The following KIF5C variants were observed in gnomAD, a reference collection of about 807,000 sequenced individuals.
KIF5C encodes kinesin heavy chain isoform 5C.
KIF5C carries 18 observed loss-of-function variants against 125.2 expected under a neutral mutation model. The ratio of observed to expected loss-of-function variants is 0.14; its 90% CI spans 0.10 to 0.21. The LOEUF is 0.21. KIF5C is among the 10% of genes least tolerant of loss of function. The pLI is 1.00. For missense variants in KIF5C, 780 were observed against 1,183.8 expected, an observed-to-expected ratio of 0.66 and a Z score of 5.01; for synonymous variants, 405 against 434.0, an observed-to-expected ratio of 0.93 and a Z score of 0.83.
At chr2:149,006,343 G>C (rs1682007054) in intron 22 of KIF5C, among the ~76,000 whole-genome samples, 1 of 151,960 alleles carries the variant, frequency 6.6e-6, no homozygotes, top group African/African-American at 2.4e-5. Context: ...GCTTGCTAAG[G>C]AGGAGGGACA....
At chr2:148,906,907 G>T (rs1456393368) in intron 1 of KIF5C, among the ~76,000 whole-genome samples, 3 of 151,592 alleles carry the variant, frequency 2.0e-5, no homozygotes, top group Non-Finnish European at 2.9e-5. Flanking sequence ...AAAATTAAAA[G>T]AATTAGCTGG....
intron 1 of KIF5C, among the ~76,000 whole-genome samples, chr2:148,895,871 C>T (rs529280421): frequency 2.0e-4 from 12 of 60,044 alleles, no homozygotes; most frequent in African/African-American, 6.3e-4. Context: ...CACACACACA[C>T]ACACCCACAG....
chr2:148,890,948 T>TTA (rs1019735492), intron 1 of KIF5C, among the ~76,000 whole-genome samples: 18 of 152,292 alleles, frequency 1.2e-4, no homozygotes, highest in African/African-American at 4.1e-4. Flanking sequence ...ATCATATATA[T>TTA]TATATATATA....
chr2:148,931,471 G>A (rs1682184666), intron 3 of KIF5C, among the ~76,000 whole-genome samples: 1 of 152,050 alleles, frequency 6.6e-6, no homozygotes, highest in Non-Finnish European at 1.5e-5. Flanking sequence ...GACCAGCCTG[G>A]CTAACATGGC....
At chr2:148,948,366 A>C (rs1325823484) in intron 8 of KIF5C, among the ~76,000 whole-genome samples, 1 of 151,954 alleles carries the variant, frequency 6.6e-6, no homozygotes, top group African/African-American at 2.4e-5. Context: ...CAAAAAAAAA[A>C]AAAAAAATTT....
At chr2:149,000,901 C>T (rs1681830576) in intron 21 of KIF5C, 119 bp downstream of exon 21, 3 of 1,504,054 alleles carry the variant, frequency 2.0e-6, no homozygotes, top group Non-Finnish European at 2.7e-6. Flanking sequence ...TTAGATAAGA[C>T]ATTCTATGGA....
chr2:149,008,227 T>A (rs1439648043), intron 23 of KIF5C, among the ~76,000 whole-genome samples, 160 bp downstream of exon 23: 2 of 152,224 alleles, frequency 1.3e-5, no homozygotes, highest in African/African-American at 4.8e-5. Context: ...TTACAAATCC[T>A]TTAGTTCTCA....
At chr2:148,886,847 G>A (rs529295940) in intron 1 of KIF5C, among the ~76,000 whole-genome samples, 114 of 152,304 alleles carry the variant, frequency 7.5e-4, no homozygotes, top group African/African-American at 2.7e-3. Flanking sequence ...TAGAGTAACA[G>A]CACTTGCTTG....
At chr2:148,959,772 G>A (rs912871249) in intron 10 of KIF5C, among the ~76,000 whole-genome samples, 11 of 152,158 alleles carry the variant, frequency 7.2e-5, no homozygotes, top group Admixed American at 2.0e-4. Context: ...TGTTACACCC[G>A]TGGGGAAGGA....
chr2:148,881,875 T>C (rs538245250), intron 1 of KIF5C, among the ~76,000 whole-genome samples: 6 of 152,196 alleles, frequency 3.9e-5, no homozygotes, highest in Admixed American at 1.3e-4. Context: ...TGTCTACTTA[T>C]GTAAAAAAAA....
chr2:148,975,980 G>T (rs1031853813), intron 12 of KIF5C, among the ~76,000 whole-genome samples: 1 of 152,148 alleles, frequency 6.6e-6, no homozygotes, highest in African/African-American at 2.4e-5. Flanking sequence ...TGTGGAAGGG[G>T]TGGTGCCAAG....
At chr2:148,938,738 G>C (rs909708063) in intron 4 of KIF5C, among the ~76,000 whole-genome samples, 48 of 152,078 alleles carry the variant, frequency 3.2e-4, no homozygotes, top group African/African-American at 1.1e-3. Flanking sequence ...CTTCAGGCTG[G>C]GATCTTAGTG....
intron 8 of KIF5C, among the ~76,000 whole-genome samples, chr2:148,948,331 T>C (rs1314051412): frequency 5.4e-5 from 8 of 148,424 alleles, no homozygotes; most frequent in Non-Finnish European, 3.0e-5. Context: ...CACTCCAGCC[T>C]GGGTGACAGA....
At chr2:148,998,280 G>A (rs1358190295) in intron 18 of KIF5C, 120 bp from the exon 19 acceptor site, 1 of 1,468,580 alleles carries the variant, frequency 6.8e-7, no homozygotes, top group Admixed American at 2.2e-5. Context: ...AATGCCCCCA[G>A]TTTTGGGATC....
rs762494308 is a variant in KIF5C at position 148,949,790 on chromosome 2, G to A, written c.715-49G>A. The A allele has an allele frequency of 4.4e-6, 7 of 1,580,884 alleles. No individual in the cohort carries two copies. In the South Asian group the frequency reaches 5.8e-5, roughly 13 times the overall value. ...CGTGTGAATTTGAAATTTCTACTTT[G>A]TGCTTCTGCCGTCCTGTGCTGCTCA... On this transcript the variant is annotated intron_variant, in intron 8 of 25. Transcript: ENST00000435030.
In KIF5C at chr2:148,983,107, CTT is replaced by C. The variant is rs536169726; in HGVS notation, c.1570-504_1570-503del. ...CAGCTTCACTCTGAAAATTGGAAGA[CTT>C]TTTTTTTTGAAGTTGTTTTCTAAAC... On this transcript the variant is annotated intron_variant, in intron 14 of 25. Transcript: ENST00000435030. Among the ~76,000 whole-genome samples the C allele has an allele frequency of 1.4e-3, 202 of 149,180 alleles. 1 individual carries two copies. The highest frequency in any genetic ancestry group is 4.6e-3 in the African/African-American group (189 of 40,722).
At chr2:148,993,239 G>T (rs1195988797) in intron 16 of KIF5C, among the ~76,000 whole-genome samples, 1 of 152,210 alleles carries the variant, frequency 6.6e-6, no homozygotes, top group Admixed American at 6.5e-5. Context: ...GGAGGGCCCA[G>T]TGGGGTGCTC....
intron 3 of KIF5C, 98 bp from the exon 4 acceptor site, chr2:148,937,186 A>T (rs2105098858): frequency 6.7e-7 from 1 of 1,486,880 alleles, no homozygotes; most frequent in Non-Finnish European, 9.0e-7. Context: ...TTCCTGCTCC[A>T]CCGGGTTCTG....
intron 1 of KIF5C, among the ~76,000 whole-genome samples, chr2:148,894,511 T>TTA (rs1681784871): frequency 6.6e-6 from 1 of 152,180 alleles, no homozygotes; most frequent in Non-Finnish European, 1.5e-5. Flanking sequence ...TGTCTGTAAT[T>TTA]TACCTAAATT....
Sources: gnomAD v4.1 joint callset for allele counts (sites outside exome capture counted in the v4.1 genomes callset) on GRCh38, gnomAD v4.1.1 for gene constraint, MANE v1.5 for transcripts, NCBI Gene and HGNC (gene_info 2026-07-23, HGNC 2026-07-21) for gene names.